Variants in CYP2U1 observed in about 807,000 individuals in gnomAD.
CYP2U1 encodes the protein cytochrome P450 family 2 subfamily U member 1.
Under a neutral mutation model 42.8 loss-of-function variants are expected in CYP2U1, and 28 were observed. The observed-to-expected ratio is 0.65, with a 90% CI of 0.48 to 0.90. The LOEUF is 0.90. Among genes scored for constraint, CYP2U1 ranks in the 40% least tolerant of loss-of-function variants. The probability of loss-of-function intolerance (pLI) is 0.00; values close to 1 mark genes in which losing one functional copy is unlikely to be tolerated. For synonymous variants in CYP2U1, 296 were observed against 278.9 expected (o/e 1.06, Z -0.61); for missense variants, 642 against 693.8 (o/e 0.93, Z 0.84).
chr4:107,931,779 C>T lies in CYP2U1; in HGVS notation c.136C>T (p.Leu46=), dbSNP rs1732988882. 1 of 1,501,724 alleles carries T rather than the reference C, an allele frequency of 6.7e-7. No individual in the cohort carries two copies. The allele number at this position is 1,501,724 out of a possible 1,614,324, so 93.0% of individuals were successfully genotyped here. A position where few individuals can be genotyped will look rare whatever the true frequency, so the allele number is the denominator to read the frequency against. The part of the protein sequence containing the change: ...ALLLCGLVAL[L]GWSWLRRRRA... ...GCTGCTATGCGGCCTCGTAGCGCTGCTGGGCTGGAGCTGGCTGCGGAGGCG... is the reference window on the plus strand; with the variant it reads ...GCTGCTATGCGGCCTCGTAGCGCTGTTGGGCTGGAGCTGGCTGCGGAGGCG... Residue 46 remains leucine (L), a synonymous_variant, in exon 1 of 5, where the codon CTG becomes TTG. Coordinates refer to ENST00000332884, the MANE Select transcript of CYP2U1 (RefSeq NM_183075.3).
intron 1 of CYP2U1, among the ~76,000 whole-genome samples, chr4:107,942,099 A>G (rs1280459355): frequency 6.6e-6 from 1 of 152,230 alleles, no homozygotes; most frequent in Non-Finnish European, 1.5e-5. Flanking sequence ...CTGCGTGACA[A>G]TGGAGACATA....
chr4:107,937,512 ATT>A (rs111918956), intron 1 of CYP2U1: 20 of 145,094 alleles, frequency 1.4e-4, no homozygotes, highest in African/African-American at 1.3e-4. Flanking sequence ...ATGTACATGT[ATT>A]TTTTTTTTTT....
At chr4:107,947,035 C>T (rs1733720811) in intron 2 of CYP2U1, among the ~76,000 whole-genome samples, 1 of 152,154 alleles carries the variant, frequency 6.6e-6, no homozygotes, top group African/African-American at 2.4e-5. Context: ...TTGGGGGCCA[C>T]CTTAGGCTAT....
intron 1 of CYP2U1, among the ~76,000 whole-genome samples, chr4:107,942,248 G>T (rs1024019558): frequency 6.6e-6 from 1 of 152,112 alleles, no homozygotes; most frequent in Non-Finnish European, 1.5e-5. Flanking sequence ...CCTCCCAGGA[G>T]ACAACTTAGC....
chr4:107,937,992 ATACTT>A (rs1324339152), intron 1 of CYP2U1: 2 of 152,224 alleles, frequency 1.3e-5, no homozygotes, highest in East Asian at 3.9e-4. Context: ...AATTTAGTCT[ATACTT>A]TATTTGGTTT....
intron 1 of CYP2U1, among the ~76,000 whole-genome samples, chr4:107,937,061 T>C (rs758076018): frequency 1.3e-5 from 2 of 152,218 alleles, no homozygotes; most frequent in African/African-American, 2.4e-5. Context: ...TAAAACCTGA[T>C]ATGGCTCGGA....
At position 107,951,665 on chromosome 4, in the gene CYP2U1, C is replaced by T. The variant is rs561220127; in HGVS notation, c.*1242C>T. ...TCCTGCTCAAGATGCCAGGATTTCC[C>T]CCAGTGAGAACATGCTCTAAGGAAT... On this transcript the variant is annotated 3_prime_UTR_variant, in exon 5 of 5. Transcript: ENST00000332884. 1 of 152,418 alleles carries T rather than the reference C, an allele frequency of 6.6e-6. No homozygotes were observed. The highest frequency in any genetic ancestry group is 1.9e-4 in the East Asian group (1 of 5,186). The allele number at this position is 152,418 out of a possible 1,614,324, so 9.4% of individuals were successfully genotyped here. A position where few individuals can be genotyped will look rare whatever the true frequency, so the allele number is the denominator to read the frequency against.
At position 107,931,829 on chromosome 4, in the gene CYP2U1, G is replaced by A. The variant is rs1010706663; in HGVS notation, c.186G>A (p.Gly62=). ...GCCGGGCGCGGGGCATCCCGCCCGG[G>A]CCCACGCCCTGGCCTCTGGTGGGCA... The part of the protein sequence containing the change: ...RRRRARGIPP[G]PTPWPLVGNF... Residue 62 remains glycine, a synonymous_variant, in exon 1 of 5, where the codon GGG becomes GGA. Transcript: ENST00000332884. 3 of 1,533,282 alleles carry A rather than the reference G, an allele frequency of 2.0e-6. No individual in the cohort carries two copies. Among genetic ancestry groups the A allele is most frequent in the South Asian group, 2.4e-5 (2 of 82,116 alleles). The allele number at this position is 1,533,282 out of a possible 1,614,324, so 95.0% of individuals were successfully genotyped here.
chr4:107,952,440 G>C lies in CYP2U1; in HGVS notation c.*2017G>C, dbSNP rs1293523569. ...CCTAAAGGAGAGAAGCAGCTACGCTGTTCATACTGATAGAGAAGAGGGCAA... is the reference window on the plus strand; with the variant it reads ...CCTAAAGGAGAGAAGCAGCTACGCTCTTCATACTGATAGAGAAGAGGGCAA... On this transcript the variant is annotated 3_prime_UTR_variant, in exon 5 of 5. Transcript: ENST00000332884. 1 of 152,238 alleles carries C rather than the reference G, an allele frequency of 6.6e-6. No individual in the cohort carries two copies. Among genetic ancestry groups the C allele is most frequent in the African/African-American group, 2.4e-5 (1 of 41,470 alleles). The allele number at this position is 152,238 out of a possible 1,614,324, so 9.4% of individuals were successfully genotyped here. A position where few individuals can be genotyped will look rare whatever the true frequency, so the allele number is the denominator to read the frequency against.
At chr4:107,950,136 A>G (rs1357848613) in intron 4 of CYP2U1, 109 bp from the exon 5 acceptor site, 3 of 1,146,530 alleles carry the variant, frequency 2.6e-6, no homozygotes, top group Middle Eastern at 4.1e-4. Context: ...TAAAAACTCC[A>G]TCTGCATTTA....
intron 1 of CYP2U1, chr4:107,940,377 T>G (rs1733446155): frequency 6.6e-6 from 1 of 152,178 alleles, no homozygotes. Context: ...TGAGCCACCA[T>G]GCCCGGCAGA....
At chr4:107,949,540 G>A in intron 4 of CYP2U1, 23 bp downstream of exon 4, 2 of 1,482,500 alleles carry the variant, frequency 1.3e-6, no homozygotes, top group Non-Finnish European at 1.8e-6. Flanking sequence ...TTTTTAAACT[G>A]CATAATTTTT....
Position 107,950,564 on chromosome 4 carries a change from C to A in CYP2U1, c.*141C>A. 1 of 786,180 alleles carries A rather than the reference C, an allele frequency of 1.3e-6. No homozygotes were observed. Among genetic ancestry groups the A allele is most frequent in the Non-Finnish European group, 1.9e-6 (1 of 535,014 alleles). The allele number at this position is 786,180 out of a possible 1,614,324, so 48.7% of individuals were successfully genotyped here. A position where few individuals can be genotyped will look rare whatever the true frequency, so the allele number is the denominator to read the frequency against. Reference sequence around the variant, plus strand: ...CAGAGGTCGGAAGGAGGGTAGAGCACACTGGGAGGTTTCATCTTGGAGGAT... The same window carrying A: ...CAGAGGTCGGAAGGAGGGTAGAGCAAACTGGGAGGTTTCATCTTGGAGGAT... On this transcript the variant is annotated 3_prime_UTR_variant, in exon 5 of 5. Transcript: ENST00000332884.
Position 107,945,188 on chromosome 4 carries a change from T to A in CYP2U1, c.709T>A (p.Phe237Ile). The A allele has an allele frequency of 6.2e-7, 1 of 1,614,062 alleles. No individual in the cohort carries two copies. The highest frequency in any genetic ancestry group is 1.7e-5 in the Admixed American group (1 of 60,012). ...CTCTAACATCATTTGCTCCTTGTGCTTTGGCCAGCGCTTTGATTACACTAA... is the reference window on the plus strand; with the variant it reads ...CTCTAACATCATTTGCTCCTTGTGCATTGGCCAGCGCTTTGATTACACTAA... ...AVSNIICSLC[F>I]GQRFDYTNSE... Residue 237 changes from phenylalanine to isoleucine, a missense_variant, in exon 2 of 5, where the codon TTT (phenylalanine) becomes ATT (isoleucine). Physicochemically the swap from Phe to Ile is conservative, Grantham distance 21 (BLOSUM62 0). Transcript: ENST00000332884.
intron 1 of CYP2U1, among the ~76,000 whole-genome samples, chr4:107,936,991 C>T (rs1260369409): frequency 6.6e-6 from 1 of 151,404 alleles, no homozygotes; most frequent in Non-Finnish European, 1.5e-5. Flanking sequence ...AACTATGCTA[C>T]CACAAGTGCT....
In CYP2U1 at chr4:107,952,895, T is replaced by G. The variant is rs1406195226; in HGVS notation, c.*2472T>G. ...ACTAAGCACTTTCCGTATAGATAAA[T>G]GAAATACAGGCTAATCTTTAGGTGT... On this transcript the variant is annotated 3_prime_UTR_variant, in exon 5 of 5. Coordinates refer to ENST00000332884, the MANE Select transcript of CYP2U1 (RefSeq NM_183075.3). The G allele has an allele frequency of 6.6e-6, 1 of 152,216 alleles. No homozygotes were observed. Among genetic ancestry groups the G allele is most frequent in the Non-Finnish European group, 1.5e-5 (1 of 68,028 alleles). 9.4% of individuals were successfully genotyped at this position (152,216 alleles called of 1,614,324 possible).
At position 107,950,521 on chromosome 4, in the gene CYP2U1, G is replaced by A. The variant is rs1733873981; in HGVS notation, c.*98G>A. 2.3e-6 allele frequency: 3 copies of A among 1,298,122 alleles called. No homozygotes were observed. In the East Asian group the frequency reaches 7.6e-5, roughly 33 times the overall value. The allele number at this position is 1,298,122 out of a possible 1,614,324, so 80.4% of individuals were successfully genotyped here. On this transcript the variant is annotated 3_prime_UTR_variant, in exon 5 of 5. Coordinates refer to ENST00000332884, the MANE Select transcript of CYP2U1 (RefSeq NM_183075.3). ...AAAGGACAGTGAATCCAGCAACTCA[G>A]TGGATCCAAGCTGGGCTCAGAGGTC...
intron 1 of CYP2U1, among the ~76,000 whole-genome samples, chr4:107,932,725 C>A (rs573024250): frequency 3.5e-4 from 53 of 152,308 alleles, no homozygotes; most frequent in African/African-American, 1.3e-3. Flanking sequence ...TCCAATCTAA[C>A]CTGTCTCTAC....
intron 3 of CYP2U1, among the ~76,000 whole-genome samples, chr4:107,948,033 C>T (rs28397828): frequency 0.38 from 57,221 of 151,840 alleles, 11,209 homozygotes; most frequent in East Asian, 0.69. Context: ...TTTGGGAGGA[C>T]GAGGCAGGTG....
Sources: gnomAD v4.1 joint callset for allele counts (sites outside exome capture counted in the v4.1 genomes callset) on GRCh38, gnomAD v4.1.1 for gene constraint, MANE v1.5 for transcripts, NCBI Gene and HGNC (gene_info 2026-07-23, HGNC 2026-07-21) for gene names.